The following EPSTI1 variants were observed in gnomAD, a reference collection of about 807,000 sequenced individuals.
EPSTI1 encodes the protein epithelial-stromal interaction protein 1.
Under a neutral mutation model 49.9 loss-of-function variants are expected in EPSTI1, and 66 were observed. The ratio of observed to expected loss-of-function variants is 1.32; its 90% CI spans 1.08 to 1.62. EPSTI1 has a LOEUF of 1.62. Ranked by LOEUF, EPSTI1 falls within the 40% of genes most tolerant of loss-of-function variation. EPSTI1 has a pLI of 0.00. For missense variants in EPSTI1, 394 were observed against 365.5 expected (o/e 1.08, Z -0.64); for synonymous variants, 137 against 130.7 (o/e 1.05, Z -0.33).
chr13:42,979,312 C>T (rs1181205137), intron 1 of EPSTI1, among the ~76,000 whole-genome samples: 1 of 152,180 alleles, frequency 6.6e-6, no homozygotes, highest in Non-Finnish European at 1.5e-5. Context: ...GGCACAGTGG[C>T]TTATGCCTGT....
At chr13:42,960,648 G>A (rs1426749328) in intron 5 of EPSTI1, among the ~76,000 whole-genome samples, 7 of 152,094 alleles carry the variant, frequency 4.6e-5, no homozygotes, top group South Asian at 2.1e-4. Context: ...AGTACAAAAC[G>A]GGTATCAATG....
chr13:42,978,543 T>C (rs1416167091), intron 1 of EPSTI1, among the ~76,000 whole-genome samples: 2 of 152,218 alleles, frequency 1.3e-5, no homozygotes, highest in East Asian at 1.9e-4. Flanking sequence ...AGCTTGACTT[T>C]TCCCTTTAGC....
chr13:42,976,947 A>G (rs1278684291), intron 1 of EPSTI1, among the ~76,000 whole-genome samples: 1 of 152,202 alleles, frequency 6.6e-6, no homozygotes, highest in Admixed American at 6.5e-5. Flanking sequence ...TGGTTTTCCT[A>G]ATTTGATTAT....
intron 10 of EPSTI1, chr13:42,889,353 T>C (rs990132801): frequency 1.4e-6 from 1 of 706,284 alleles, no homozygotes; most frequent in Non-Finnish European, 2.2e-6. Flanking sequence ...GATTAAAAAA[T>C]AAAAATCAAT....
rs1033697716 is a variant in EPSTI1, at chr13:42,887,122, T to TC, written c.*1371dup. The TC allele has an allele frequency of 1.3e-5, 2 of 152,156 alleles. No individual in the cohort carries two copies. The highest frequency in any genetic ancestry group is 2.9e-5 in the Non-Finnish European group (2 of 68,036). 9.4% of individuals were successfully genotyped at this position (152,156 alleles called of 1,614,324 possible). On this transcript the variant is annotated 3_prime_UTR_variant, in exon 11 of 11. Transcript: ENST00000313624. Reference sequence around the variant, plus strand: ...CCAACACAGGCTGGGGGATTGAGTTTCCCCCATATAAGGCAATGACAAGGA... The same window carrying TC: ...CCAACACAGGCTGGGGGATTGAGTTTCCCCCCATATAAGGCAATGACAAGGA...
At chr13:42,962,696 C>A (rs976229068) in intron 5 of EPSTI1, among the ~76,000 whole-genome samples, 2 of 151,848 alleles carry the variant, frequency 1.3e-5, no homozygotes, top group Non-Finnish European at 2.9e-5. Flanking sequence ...GGGAGGACTG[C>A]CTGACCCCAG....
At chr13:42,951,113 A>T (rs2039082263) in intron 6 of EPSTI1, among the ~76,000 whole-genome samples, 1 of 152,116 alleles carries the variant, frequency 6.6e-6, no homozygotes, top group South Asian at 2.1e-4. Flanking sequence ...GCCAAGACCA[A>T]GCCATTGCAC....
At chr13:42,963,655 A>C in intron 4 of EPSTI1, 1 of 322,564 alleles carries the variant, frequency 3.1e-6, no homozygotes, top group Non-Finnish European at 5.6e-6. Context: ...AGGGAAAATA[A>C]TTTTTCCTGA....
rs1398104624 is a variant in EPSTI1, at chr13:42,926,413, A to G, written c.580T>C (p.Leu194=). The G allele has an allele frequency of 1.2e-6, 2 of 1,612,620 alleles. No individual in the cohort carries two copies. The highest frequency in any genetic ancestry group is 1.3e-5 in the African/African-American group (1 of 74,902). ...EHQQYKTAEF[L]SKLNTESPDR... is the part of the protein sequence containing the mutation. ...GGCGATTCTGTGTTCAGTTTGCTCAAGAACTCAGCGGTTTTGCTACCAGAA... is the reference window on the plus strand; with the variant it reads ...GGCGATTCTGTGTTCAGTTTGCTCAGGAACTCAGCGGTTTTGCTACCAGAA... The change falls in exon 7 of 11, where the codon TTG becomes CTG. Residue 194 remains leucine (L), a synonymous_variant. Coordinates refer to ENST00000313624, the MANE Select transcript of EPSTI1 (RefSeq NM_033255.5).
intron 1 of EPSTI1, among the ~76,000 whole-genome samples, chr13:42,973,641 T>C (rs2153433997): frequency 6.6e-6 from 1 of 152,370 alleles, no homozygotes; most frequent in Non-Finnish European, 1.5e-5. Flanking sequence ...CCCTTCTTTC[T>C]TAGCTTTCTC....
At chr13:42,946,946 A>G (rs1237071551) in intron 6 of EPSTI1, among the ~76,000 whole-genome samples, 2 of 152,200 alleles carry the variant, frequency 1.3e-5, no homozygotes, top group Non-Finnish European at 1.5e-5. Context: ...TGCCCCATTC[A>G]TGGAAAAATT....
intron 8 of EPSTI1, among the ~76,000 whole-genome samples, chr13:42,913,068 G>A (rs2153416577): frequency 6.6e-6 from 1 of 151,644 alleles, no homozygotes; most frequent in African/African-American, 2.4e-5. Flanking sequence ...GAAACACTGT[G>A]AAATTTCTTA....
intron 7 of EPSTI1, chr13:42,919,153 GTCTTAGTTTTTGAC>G (rs2037923069): frequency 3.2e-6 from 2 of 627,366 alleles, no homozygotes; most frequent in Non-Finnish European, 5.5e-6. Context: ...TAGAATACAT[GTCTTAGTTTTTGAC>G]TCAGAAAAAA....
At chr13:42,938,260 C>T (rs2038630961) in intron 6 of EPSTI1, among the ~76,000 whole-genome samples, 1 of 152,066 alleles carries the variant, frequency 6.6e-6, no homozygotes, top group Non-Finnish European at 1.5e-5. Flanking sequence ...GTGTTGTTTT[C>T]ATGGGTGATT....
At chr13:42,905,019 C>T (rs1385646520) in intron 8 of EPSTI1, among the ~76,000 whole-genome samples, 1 of 152,134 alleles carries the variant, frequency 6.6e-6, no homozygotes, top group Non-Finnish European at 1.5e-5. Context: ...CTCATACCAT[C>T]AGTAGGAATT....
intron 8 of EPSTI1, among the ~76,000 whole-genome samples, chr13:42,903,226 T>G (rs1471699620): frequency 1.5e-5 from 2 of 137,470 alleles, no homozygotes; most frequent in African/African-American, 5.2e-5. Flanking sequence ...CTTTAAAATT[T>G]TTAAGATAAT....
At chr13:42,935,292 G>A (rs552439694) in intron 6 of EPSTI1, among the ~76,000 whole-genome samples, 2 of 152,290 alleles carry the variant, frequency 1.3e-5, no homozygotes, top group Non-Finnish European at 2.9e-5. Context: ...GCGCAGCTTA[G>A]AGCCCATAGT....
rs764081187 is a variant in EPSTI1, at chr13:42,969,084, G to A, written c.331+10C>T. ...CCTCCCTCATTCCGGCAGCGGCTGT[G>A]CTTGCTTACCTAGCCGTCTGGGCAC... On this transcript the variant is annotated intron_variant, in intron 3 of 10. Coordinates refer to ENST00000313624, the MANE Select transcript of EPSTI1 (RefSeq NM_033255.5). The A allele has an allele frequency of 1.9e-6, 3 of 1,614,030 alleles. No homozygotes were observed. In the South Asian group the frequency reaches 3.3e-5, roughly 18 times the overall value.
chr13:42,888,704 C>CAAT (rs1428354991), intron 10 of EPSTI1, among the ~76,000 whole-genome samples: 1 of 152,102 alleles, frequency 6.6e-6, no homozygotes, highest in African/African-American at 2.4e-5. Flanking sequence ...TAGTCTTGGT[C>CAAT]AATAAGGTAA....
Sources: allele counts gnomAD v4.1 joint callset (sites outside exome capture counted in the v4.1 genomes callset), GRCh38; gene constraint gnomAD v4.1.1; transcripts MANE v1.5; gene names NCBI Gene and HGNC (gene_info 2026-07-23, HGNC 2026-07-21).